CNTRL: variants seen among roughly 807,000 people sequenced by gnomAD.
CNTRL encodes 110 kDa centrosomal protein.
CNTRL carries 233 observed loss-of-function variants against 303.7 expected under a neutral mutation model. The observed-to-expected ratio is 0.77, with a 90% CI of 0.69 to 0.86. CNTRL has a LOEUF of 0.86. CNTRL is among the 40% of genes least tolerant of loss of function. The probability of loss-of-function intolerance (pLI) is 0.00; values close to 1 mark genes in which losing one functional copy is unlikely to be tolerated. For synonymous variants in CNTRL, 900 were observed against 922.2 expected, an observed-to-expected ratio of 0.98 and a Z score of 0.44; for missense variants, 2,524 against 2,650.6, an observed-to-expected ratio of 0.95 and a Z score of 1.05.
chr9:121,133,855 C>T (rs1247348304), intron 14 of CNTRL, among the ~76,000 whole-genome samples: 1 of 152,190 alleles, frequency 6.6e-6, no homozygotes, highest in Non-Finnish European at 1.5e-5. Flanking sequence ...CAGTTGTAGA[C>T]ATCATGCTCC....
At chr9:121,101,703 A>G (rs1024275705) in intron 7 of CNTRL, among the ~76,000 whole-genome samples, 1 of 152,254 alleles carries the variant, frequency 6.6e-6, no homozygotes, top group Non-Finnish European at 1.5e-5. Flanking sequence ...ACACAATAAA[A>G]AATGATAAAG....
chr9:121,142,295 C>CACAT, intron 19 of CNTRL, 25 bp downstream of exon 19: 2 of 1,577,526 alleles, frequency 1.3e-6, no homozygotes, highest in Non-Finnish European at 1.7e-6. Flanking sequence ...GAAAATGAGA[C>CACAT]ACATAAGTAC....
At chr9:121,133,740 C>T (rs559007672) in intron 14 of CNTRL, among the ~76,000 whole-genome samples, 16 of 152,344 alleles carry the variant, frequency 1.1e-4, no homozygotes, top group African/African-American at 3.6e-4. Flanking sequence ...GCGTCGATCA[C>T]GCTGGGAGCT....
rs551368108 is a variant in CNTRL at position 121,158,524 on chromosome 9, T to A, written c.4765-331T>A. The A allele has an allele frequency of 2.9e-5, 7 of 244,812 alleles. No homozygotes were observed. In the East Asian group the frequency reaches 6.0e-4, roughly 21 times the overall value. 15.2% of individuals were successfully genotyped at this position (244,812 alleles called of 1,614,324 possible). ...TTTAATTTTAAAAATGAATACATTT[T>A]AAAAATCTCTGACTAACTTCCATCA... On this transcript the variant is annotated intron_variant, in intron 30 of 43. Coordinates refer to ENST00000373855, the MANE Select transcript of CNTRL (RefSeq NM_007018.6).
chr9:121,097,031 T>C (rs1564200333), intron 6 of CNTRL, among the ~76,000 whole-genome samples: 1 of 151,972 alleles, frequency 6.6e-6, no homozygotes. Flanking sequence ...TTGATTATAA[T>C]GTTAGGTGTT....
At chr9:121,146,361 T>G in intron 23 of CNTRL, 105 bp downstream of exon 23, 1 of 1,170,340 alleles carries the variant, frequency 8.5e-7, no homozygotes, top group Non-Finnish European at 1.2e-6. Flanking sequence ...ACAACATTTC[T>G]ATGCTAAGCC....
At position 121,177,458 on chromosome 9, in the gene CNTRL, A is replaced by C. The variant is rs113512589; in HGVS notation, c.*272A>C. The C allele has an allele frequency of 5.4e-4, 202 of 371,008 alleles. 1 individual carries two copies. The highest frequency in any genetic ancestry group is 2.2e-3 in the African/African-American group (105 of 47,980). The allele number at this position is 371,008 out of a possible 1,614,324, so 23.0% of individuals were successfully genotyped here. A position where few individuals can be genotyped will look rare whatever the true frequency, so the allele number is the denominator to read the frequency against. Reference sequence around the variant, plus strand: ...ATCTTCGTAACATGTTTAAAAAAAAACAGTGATTTTAACTGCATATTTGAA... The same window carrying C: ...ATCTTCGTAACATGTTTAAAAAAAACCAGTGATTTTAACTGCATATTTGAA... On this transcript the variant is annotated 3_prime_UTR_variant, in exon 44 of 44. Transcript: ENST00000373855.
intron 4 of CNTRL, among the ~76,000 whole-genome samples, chr9:121,094,555 T>C (rs1343112723): frequency 6.6e-6 from 1 of 152,146 alleles, no homozygotes; most frequent in Non-Finnish European, 1.5e-5. Context: ...CATAGCACTA[T>C]CTTTTGGAAG....
At chr9:121,155,215 C>T (rs1237231735) in intron 27 of CNTRL, among the ~76,000 whole-genome samples, 8 of 152,182 alleles carry the variant, frequency 5.3e-5, no homozygotes, top group Admixed American at 1.3e-4. Context: ...GCACACCCCA[C>T]GTCCTTATCC....
At chr9:121,143,881 A>G in intron 19 of CNTRL, 22 bp from the exon 20 acceptor site, 4 of 1,561,450 alleles carry the variant, frequency 2.6e-6, no homozygotes, top group Non-Finnish European at 3.5e-6. Context: ...CATCTGTTTA[A>G]TTAATATTTC....
intron 12 of CNTRL, among the ~76,000 whole-genome samples, chr9:121,118,903 A>G (rs1247438627): frequency 1.3e-5 from 2 of 152,212 alleles, no homozygotes; most frequent in African/African-American, 4.8e-5. Context: ...GAGGATGTCC[A>G]TAGGTTAAAT....
chr9:121,088,868 G>A (rs927666568), intron 3 of CNTRL, among the ~76,000 whole-genome samples: 2 of 152,196 alleles, frequency 1.3e-5, no homozygotes, highest in East Asian at 3.9e-4. Flanking sequence ...AGAGTGGAGC[G>A]CCTTAATTCA....
At chr9:121,118,289 T>G (rs2050073289) in intron 11 of CNTRL, 57 bp from the exon 12 acceptor site, 3 of 1,292,164 alleles carry the variant, frequency 2.3e-6, no homozygotes, top group South Asian at 2.3e-5. Flanking sequence ...GACATTGTCT[T>G]AATAAATCAG....
chr9:121,168,352 T>TGG (rs775685606), intron 38 of CNTRL, 31 bp downstream of exon 38: 1 of 1,586,472 alleles, frequency 6.3e-7, no homozygotes, highest in South Asian at 1.1e-5. Flanking sequence ...CACTGGGAGA[T>TGG]GGGGTATGGA....
At chr9:121,081,177 A>G (rs1027610793) in intron 2 of CNTRL, among the ~76,000 whole-genome samples, 3 of 152,250 alleles carry the variant, frequency 2.0e-5, no homozygotes, top group African/African-American at 7.2e-5. Flanking sequence ...GCTGTTAGAA[A>G]GCTGGGAGTT....
rs531081226 is a variant in CNTRL at position 121,150,586 on chromosome 9, C to T, written c.3963+103C>T. On this transcript the variant is annotated intron_variant, in intron 25 of 43. Coordinates refer to ENST00000373855, the MANE Select transcript of CNTRL (RefSeq NM_007018.6). ...ACCTATTTATGACTGGATTATATGG[C>T]AAAGTGTGTTTGTAAGGCTGATGTT... 1,246 of 1,081,980 alleles carry T rather than the reference C, an allele frequency of 1.2e-3. 4 individuals carry two copies. Among genetic ancestry groups the T allele is most frequent in the Middle Eastern group, 3.6e-3 (18 of 4,934 alleles). The allele number at this position is 1,081,980 out of a possible 1,614,324, so 67.0% of individuals were successfully genotyped here. A position where few individuals can be genotyped will look rare whatever the true frequency, so the allele number is the denominator to read the frequency against.
At chr9:121,173,859 C>T in intron 42 of CNTRL, 122 bp downstream of exon 42, 1 of 913,606 alleles carries the variant, frequency 1.1e-6, no homozygotes, top group Non-Finnish European at 1.8e-6. Context: ...CCAGCAGTGT[C>T]AGGGATGGCA....
chr9:121,118,216 C>T (rs561459089), intron 11 of CNTRL, 130 bp from the exon 12 acceptor site: 1 of 639,028 alleles, frequency 1.6e-6, no homozygotes, highest in East Asian at 3.3e-5. Flanking sequence ...GCTTAGATAA[C>T]TCCCACATTT....
chr9:121,156,423 C>T (rs1323692687), intron 27 of CNTRL, among the ~76,000 whole-genome samples: 2 of 152,050 alleles, frequency 1.3e-5, no homozygotes, highest in Non-Finnish European at 2.9e-5. Context: ...AGACAAAAAA[C>T]TATTTGGTGG....
Sources: allele counts gnomAD v4.1 joint callset (sites outside exome capture counted in the v4.1 genomes callset), GRCh38; gene constraint gnomAD v4.1.1; transcripts MANE v1.5; gene names NCBI Gene and HGNC (gene_info 2026-07-23, HGNC 2026-07-21).